The following DIP2B variants were observed in gnomAD, a reference collection of about 807,000 sequenced individuals.
DIP2B encodes the protein DIP2 acetate--CoA ligase B (putative).
DIP2B carries 76 observed loss-of-function variants against 198.0 expected under a neutral mutation model. That is an observed-to-expected ratio of 0.38 (90% confidence interval 0.32 to 0.46). The LOEUF (loss-of-function observed/expected upper bound fraction) is 0.46. DIP2B is among the 20% of genes least tolerant of loss of function. The probability of loss-of-function intolerance (pLI) is 0.99; values close to 1 mark genes in which losing one functional copy is unlikely to be tolerated. For synonymous variants in DIP2B, 701 were observed against 739.1 expected (o/e 0.95, Z 0.84); for missense variants, 1,559 against 1,978.4 (o/e 0.79, Z 4.02).
At chr12:50,716,264 G>C (rs983912839) in intron 23 of DIP2B, among the ~76,000 whole-genome samples, 6 of 145,960 alleles carry the variant, frequency 4.1e-5, no homozygotes, top group Non-Finnish European at 9.1e-5. Context: ...TAAAATTGTA[G>C]TAGACACTTT....
chr12:50,594,510 A>C (rs1254743270), intron 1 of DIP2B, among the ~76,000 whole-genome samples: 1 of 152,188 alleles, frequency 6.6e-6, no homozygotes, highest in Non-Finnish European at 1.5e-5. Flanking sequence ...GTTTCGGTTC[A>C]GTTTAGAATT....
At chr12:50,678,596 G>T in intron 7 of DIP2B, 83 bp from the exon 8 acceptor site, 1 of 1,395,414 alleles carries the variant, frequency 7.2e-7, no homozygotes, top group South Asian at 1.4e-5. Flanking sequence ...AAGTGAAAAG[G>T]AAGATGCAGT....
At chr12:50,561,452 T>C (rs1256339008) in intron 1 of DIP2B, among the ~76,000 whole-genome samples, 1 of 152,136 alleles carries the variant, frequency 6.6e-6, no homozygotes. Context: ...AAGTGAGAGC[T>C]ACAAATCTGT....
Position 50,735,098 on chromosome 12 carries a change from C to CTCTG in DIP2B, c.4069_4070insTCTG (p.Pro1357LeufsTer23). 1 of 1,614,098 alleles carries CTCTG rather than the reference C, an allele frequency of 6.2e-7. No individual in the cohort carries two copies. The highest frequency in any genetic ancestry group is 8.5e-7 in the Non-Finnish European group (1 of 1,180,018). On this transcript the variant is annotated frameshift_variant, in exon 34 of 38. Transcript: ENST00000301180. LOFTEE classifies it high-confidence loss of function. ...GGTTCGTCTCGTGGAACGTGGCGCC[C>CTCTG]CTCAGAGTTTGCTTCTCTCAGAGTC...
intron 1 of DIP2B, among the ~76,000 whole-genome samples, chr12:50,576,549 G>C (rs1301866967): frequency 1.3e-5 from 2 of 151,604 alleles, no homozygotes; most frequent in African/African-American, 2.4e-5. Flanking sequence ...CGCGATCTCG[G>C]CTCACTGCAA....
At chr12:50,548,927 A>G (rs1958400635) in intron 1 of DIP2B, among the ~76,000 whole-genome samples, 1 of 152,190 alleles carries the variant, frequency 6.6e-6, no homozygotes, top group Non-Finnish European at 1.5e-5. Flanking sequence ...TTGTTCAGAA[A>G]ATGTGCAGTT....
chr12:50,708,704 C>T, intron 22 of DIP2B, 142 bp downstream of exon 22: 1 of 655,322 alleles, frequency 1.5e-6, no homozygotes, highest in South Asian at 1.9e-5. Flanking sequence ...CTAGCAAAAT[C>T]AGATAATTAA....
intron 2 of DIP2B, among the ~76,000 whole-genome samples, chr12:50,636,956 C>G (rs1024910893): frequency 1.3e-5 from 2 of 152,170 alleles, no homozygotes; most frequent in Non-Finnish European, 2.9e-5. Flanking sequence ...CTAGCACTCT[C>G]GTTCCTCTCT....
In DIP2B at chr12:50,734,112, C is replaced by T. The variant is rs1042147885; in HGVS notation, c.3982-23C>T. 26 of 1,612,392 alleles carry T rather than the reference C, an allele frequency of 1.6e-5. No homozygotes were observed. The Middle Eastern group carries it at 5.0e-4, about 31-fold the overall frequency. On this transcript the variant is annotated intron_variant, in intron 32 of 37. Coordinates refer to ENST00000301180, the MANE Select transcript of DIP2B (RefSeq NM_173602.3). ...TACAGTTTATCGAAATTCTAAACAACGCATTGATTTGTCTTTCTTTAGGGA... is the reference window on the plus strand; with the variant it reads ...TACAGTTTATCGAAATTCTAAACAATGCATTGATTTGTCTTTCTTTAGGGA...
At chr12:50,702,734 T>TA (rs35373628) in intron 19 of DIP2B, among the ~76,000 whole-genome samples, 1,356 of 40,602 alleles carry the variant, frequency 0.033, 180 homozygotes, top group East Asian at 0.14. Flanking sequence ...CCTCATCTCT[T>TA]AAAAAAAAAA....
At chr12:50,507,158 A>C (rs1449983587) in intron 1 of DIP2B, among the ~76,000 whole-genome samples, 1 of 152,240 alleles carries the variant, frequency 6.6e-6, no homozygotes, top group Non-Finnish European at 1.5e-5. Flanking sequence ...TTTAAGGACA[A>C]GTGCATGGTT....
intron 3 of DIP2B, among the ~76,000 whole-genome samples, chr12:50,646,507 C>T (rs1015549054): frequency 1.7e-4 from 26 of 152,260 alleles, no homozygotes; most frequent in African/African-American, 5.8e-4. Flanking sequence ...TTGCAACCTC[C>T]GCCTCCTGGG....
chr12:50,509,837 A>G (rs935394050), intron 1 of DIP2B, among the ~76,000 whole-genome samples: 1 of 152,216 alleles, frequency 6.6e-6, no homozygotes, highest in Admixed American at 6.5e-5. Flanking sequence ...TTCGTAGGAT[A>G]CACCTTTATC....
Position 50,718,773 on chromosome 12 carries a change from T to A in DIP2B, c.2916T>A (p.Ala972=). 6.2e-7 allele frequency: 1 copy of A among 1,614,194 alleles called. No individual in the cohort carries two copies. Among genetic ancestry groups the A allele is most frequent in the Non-Finnish European group, 8.5e-7 (1 of 1,180,032 alleles). ...CTGGAAAACGTATAGCACAAGCTGC[T>A]GGAAGGGATCTGGGACAAATAGAAG... ...LVAGKRIAQA[A]GRDLGQIEEN... Residue 972 remains alanine (A), a synonymous_variant, in exon 24 of 38, where the codon GCT becomes GCA. Transcript: ENST00000301180.
intron 1 of DIP2B, among the ~76,000 whole-genome samples, chr12:50,522,010 TA>T (rs1162489698): frequency 1.3e-5 from 2 of 151,832 alleles, no homozygotes; most frequent in African/African-American, 2.4e-5. Context: ...ATTTTATTAT[TA>T]TTTTTTTAAG....
Position 50,744,949 on chromosome 12 carries a change from A to G in DIP2B, c.*110A>G. 1 of 1,298,480 alleles carries G rather than the reference A, an allele frequency of 7.7e-7. No homozygotes were observed. The highest frequency in any genetic ancestry group is 1.1e-6 in the Non-Finnish European group (1 of 943,190). The allele number at this position is 1,298,480 out of a possible 1,614,324, so 80.4% of individuals were successfully genotyped here. The stretch of plus-strand genomic sequence containing the variant: ...TGAAATAAGCTGAGATGGCTACATG[A>G]TATTCTTCATCTCATCCTGTGGGAT... On this transcript the variant is annotated 3_prime_UTR_variant, in exon 38 of 38. Coordinates refer to ENST00000301180, the MANE Select transcript of DIP2B (RefSeq NM_173602.3).
At position 50,695,880 on chromosome 12, in the gene DIP2B, C is replaced by G. The variant is rs748861779; in HGVS notation, c.1846C>G (p.His616Asp). The G allele has an allele frequency of 6.2e-7, 1 of 1,614,090 alleles. No individual in the cohort carries two copies. Among genetic ancestry groups the G allele is most frequent in the East Asian group, 2.2e-5 (1 of 44,882 alleles). ...KVALVKCRDLHWAMMAHRDQR... is the reference protein window; with the variant it reads ...KVALVKCRDLDWAMMAHRDQR... ...AGCTTTAGTAAAATGTCGGGACTTG[C>G]ACTGGGCTATGATGGCACATCGGGA... Residue 616 changes from histidine (H) to aspartate (D), a missense_variant, in exon 16 of 38, where the codon CAC (histidine) becomes GAC (aspartate). Coordinates refer to ENST00000301180, the MANE Select transcript of DIP2B (RefSeq NM_173602.3).
intron 1 of DIP2B, among the ~76,000 whole-genome samples, chr12:50,588,540 T>G (rs971754094): frequency 6.6e-6 from 1 of 152,220 alleles, no homozygotes; most frequent in Non-Finnish European, 1.5e-5. Context: ...ATTTCCTTAA[T>G]AGTCACTTCA....
At chr12:50,631,135 C>T (rs186676472) in intron 2 of DIP2B, among the ~76,000 whole-genome samples, 2 of 150,484 alleles carry the variant, frequency 1.3e-5, no homozygotes, top group African/African-American at 2.4e-5. Context: ...TCCTTCTTTT[C>T]TTTTTTTGAG....
Sources: gnomAD v4.1 joint callset for allele counts (sites outside exome capture counted in the v4.1 genomes callset) on GRCh38, gnomAD v4.1.1 for gene constraint, MANE v1.5 for transcripts, NCBI Gene and HGNC (gene_info 2026-07-23, HGNC 2026-07-21) for gene names.